ZNF438: variants seen among roughly 807,000 people sequenced by gnomAD.
ZNF438 encodes the protein zinc finger protein 438.
ZNF438 carries 25 observed loss-of-function variants against 38.0 expected under a neutral mutation model. The ratio of observed to expected loss-of-function variants is 0.66; its 90% confidence interval spans 0.48 to 0.92. The LOEUF (loss-of-function observed/expected upper bound fraction) is 0.92, where lower values mean the gene tolerates loss of function less well. Among genes scored for constraint, ZNF438 ranks in the 40% least tolerant of loss-of-function variants. The probability of loss-of-function intolerance (pLI) is 0.00; values close to 1 mark genes in which losing one functional copy is unlikely to be tolerated. For synonymous variants in ZNF438, 372 were observed against 364.1 expected, an observed-to-expected ratio of 1.02 and a Z score of -0.25; for missense variants, 1,007 against 999.6, an observed-to-expected ratio of 1.01 and a Z score of -0.10.
intron 1 of ZNF438, among the ~76,000 whole-genome samples, chr10:31,031,607 G>A (rs1031475058): frequency 6.6e-6 from 1 of 152,048 alleles, no homozygotes; most frequent in Non-Finnish European, 1.5e-5. Context: ...CGCCCCAGGG[G>A]AAAAGGTGCT....
chr10:30,847,956 C>A (rs1265518371), intron 5 of ZNF438, among the ~76,000 whole-genome samples: 2 of 152,216 alleles, frequency 1.3e-5, no homozygotes, highest in Non-Finnish European at 2.9e-5. Flanking sequence ...GTGGGTGGAA[C>A]GAGCCTAATG....
intron 1 of ZNF438, among the ~76,000 whole-genome samples, chr10:30,998,421 T>C (rs777815515): frequency 6.6e-6 from 1 of 151,330 alleles, no homozygotes; most frequent in East Asian, 1.9e-4. Flanking sequence ...CGGGCCCCTG[T>C]AGTCCCAGCT....
chr10:30,957,421 C>T (rs1385249830), intron 1 of ZNF438, among the ~76,000 whole-genome samples: 1 of 151,994 alleles, frequency 6.6e-6, no homozygotes, highest in African/African-American at 2.4e-5. Context: ...TTTTTCTTTC[C>T]TTGTCTGTGC....
At chr10:30,872,355 G>GGT (rs955072813) in intron 4 of ZNF438, among the ~76,000 whole-genome samples, 4 of 142,306 alleles carry the variant, frequency 2.8e-5, no homozygotes, top group African/African-American at 1.0e-4. Context: ...GAACCCGGGA[G>GGT]GTGGAGATTG....
chr10:31,014,860 G>A (rs1324411053), intron 1 of ZNF438, among the ~76,000 whole-genome samples: 1 of 149,456 alleles, frequency 6.7e-6, no homozygotes, highest in African/African-American at 2.5e-5. Context: ...GTGTGTGTGT[G>A]TATATATATA....
chr10:30,941,113 C>T (rs1263797100), intron 2 of ZNF438, among the ~76,000 whole-genome samples: 1 of 143,890 alleles, frequency 6.9e-6, no homozygotes. Flanking sequence ...GTTCTGTTGC[C>T]CAGGCTGGAC....
At chr10:30,986,098 C>T (rs748046825) in intron 1 of ZNF438, among the ~76,000 whole-genome samples, 5 of 152,140 alleles carry the variant, frequency 3.3e-5, no homozygotes, top group East Asian at 1.9e-4. Context: ...AAATAGCCTA[C>T]GTGTATAGTA....
chr10:30,944,839 T>C (rs558989611), intron 1 of ZNF438, among the ~76,000 whole-genome samples: 162 of 152,334 alleles, frequency 1.1e-3, no homozygotes, highest in African/African-American at 3.5e-3. Context: ...GTCGAATGTA[T>C]TGACACAAAA....
At chr10:30,956,266 A>G (rs558254613) in intron 1 of ZNF438, among the ~76,000 whole-genome samples, 2 of 152,342 alleles carry the variant, frequency 1.3e-5, no homozygotes, top group South Asian at 2.1e-4. Context: ...TGAAATATAA[A>G]AGAGAGACTG....
intron 1 of ZNF438, among the ~76,000 whole-genome samples, chr10:30,968,173 G>T (rs896442563): frequency 1.3e-5 from 2 of 152,090 alleles, no homozygotes; most frequent in African/African-American, 4.8e-5. Context: ...ACACTTGAAG[G>T]ATCAGGCAGC....
chr10:30,899,690 T>C (rs1020412318), intron 3 of ZNF438, among the ~76,000 whole-genome samples: 2 of 151,852 alleles, frequency 1.3e-5, no homozygotes, highest in African/African-American at 4.8e-5. Context: ...GTCAGACTTT[T>C]GTTTTGACAA....
At chr10:30,855,824 T>A (rs1043409648) in intron 4 of ZNF438, among the ~76,000 whole-genome samples, 3 of 152,134 alleles carry the variant, frequency 2.0e-5, no homozygotes, top group Admixed American at 6.5e-5. Flanking sequence ...CACAAATATA[T>A]CCTTTATATG....
rs535471873 is a variant in ZNF438, at chr10:30,959,605, G to A, written c.-191-17954C>T. ...TACAAAAAAAAAAAAAAAATTAGCC[G>A]GGCGTGTTGGCAGGTGCCTGTAGTC... On this transcript the variant is annotated intron_variant, in intron 1 of 5. Coordinates refer to ENST00000413025, the Ensembl canonical transcript of ZNF438. Among the ~76,000 whole-genome samples the A allele has an allele frequency of 1.1e-4, 16 of 140,544 alleles. 1 individual carries two copies. The highest frequency in any genetic ancestry group is 2.2e-4 in the Admixed American group (3 of 13,822). 92.2% of individuals were successfully genotyped at this position (140,544 alleles called of 152,430 possible). A position where few individuals can be genotyped will look rare whatever the true frequency, so the allele number is the denominator to read the frequency against.
intron 1 of ZNF438, among the ~76,000 whole-genome samples, chr10:30,997,209 A>T (rs1196193141): frequency 6.6e-6 from 1 of 152,000 alleles, no homozygotes; most frequent in Non-Finnish European, 1.5e-5. Flanking sequence ...TGTACAAACA[A>T]ATGAAACAGA....
chr10:30,935,485 C>T (rs1206178135), intron 2 of ZNF438, among the ~76,000 whole-genome samples: 2 of 152,086 alleles, frequency 1.3e-5, no homozygotes, highest in Non-Finnish European at 2.9e-5. Flanking sequence ...TTTAACAGCT[C>T]TTGGTGGAAA....
At chr10:31,001,185 A>C (rs2054618862) in intron 1 of ZNF438, among the ~76,000 whole-genome samples, 1 of 152,236 alleles carries the variant, frequency 6.6e-6, no homozygotes, top group African/African-American at 2.4e-5. Context: ...TCTGTATTTC[A>C]GTCATTGGCA....
chr10:30,872,166 T>C (rs1469410760), intron 4 of ZNF438, among the ~76,000 whole-genome samples: 2 of 149,528 alleles, frequency 1.3e-5, no homozygotes, highest in African/African-American at 4.9e-5. Context: ...GAGGCTGAGG[T>C]GGGCGGATTA....
intron 1 of ZNF438, among the ~76,000 whole-genome samples, chr10:30,993,365 C>CTG (rs1036408823): frequency 4.9e-4 from 75 of 152,350 alleles, no homozygotes; most frequent in African/African-American, 1.7e-3. Flanking sequence ...CCTCAGGACT[C>CTG]TGCTCCCTGC....
chr10:30,984,495 G>A lies in ZNF438; in HGVS notation c.-191-42844C>T, dbSNP rs866787291. The A allele has an allele frequency of 5.1e-4, 77 of 151,914 alleles. 2 individuals carry two copies. Among genetic ancestry groups the A allele is most frequent in the Admixed American group, 5.0e-3 (77 of 15,256 alleles). 9.4% of individuals were successfully genotyped at this position (151,914 alleles called of 1,614,324 possible). On this transcript the variant is annotated intron_variant, in intron 1 of 5. Coordinates refer to ENST00000413025, the Ensembl canonical transcript of ZNF438. Reference sequence around the variant, plus strand: ...CATTTTCATCAAATATATGTAAAAGGTGCCTTCTTTTCAAGTTTCATTTTT... The same window carrying A: ...CATTTTCATCAAATATATGTAAAAGATGCCTTCTTTTCAAGTTTCATTTTT...
Sources: allele counts gnomAD v4.1 joint callset (sites outside exome capture counted in the v4.1 genomes callset), GRCh38; gene constraint gnomAD v4.1.1; transcripts MANE v1.5; gene names NCBI Gene and HGNC (gene_info 2026-07-23, HGNC 2026-07-21).